DNAH11: variants seen among roughly 807,000 people sequenced by gnomAD.
The protein encoded by DNAH11 is dynein axonemal heavy chain 11.
Under a neutral mutation model 526.0 loss-of-function variants are expected in DNAH11, and 442 were observed. The observed-to-expected ratio is 0.84, with a 90% CI of 0.78 to 0.91. DNAH11 has a LOEUF of 0.91. DNAH11 is among the 40% of genes least tolerant of loss of function. The pLI, the probability that DNAH11 is intolerant of heterozygous loss-of-function variation, is 0.00. For missense variants in DNAH11, 6,989 were observed against 5,448.7 expected (o/e 1.28, Z -8.90); for synonymous variants, 2,461 against 1,935.9 (o/e 1.27, Z -7.12).
chr7:21,884,551 C>T (rs939689219), intron 76 of DNAH11, 141 bp downstream of exon 76: 20 of 928,432 alleles, frequency 2.2e-5, no homozygotes, highest in South Asian at 9.9e-5. Flanking sequence ...CTTAGAAAAG[C>T]GGAATCTCGG....
intron 44 of DNAH11, among the ~76,000 whole-genome samples, chr7:21,722,521 T>C (rs1192676041): frequency 6.6e-6 from 1 of 152,224 alleles, no homozygotes; most frequent in Non-Finnish European, 1.5e-5. Context: ...TGATATAATC[T>C]GTTGGCCAGT....
chr7:21,816,842 C>T (rs958285377), intron 64 of DNAH11, 140 bp downstream of exon 64: 8 of 695,854 alleles, frequency 1.1e-5, no homozygotes, highest in Admixed American at 5.6e-5. Flanking sequence ...TCTGCCTGTT[C>T]ATGTTTCATA....
chr7:21,700,506 C>G (rs1784011095), intron 36 of DNAH11, among the ~76,000 whole-genome samples: 1 of 152,166 alleles, frequency 6.6e-6, no homozygotes, highest in Non-Finnish European at 1.5e-5. Context: ...TCTTCTGCAT[C>G]CACTCCTTTT....
chr7:21,742,175 A>G lies in DNAH11; in HGVS notation c.8154+9A>G. 1 of 1,613,326 alleles carries G rather than the reference A, an allele frequency of 6.2e-7. No homozygotes were observed. On this transcript the variant is annotated intron_variant, in intron 49 of 81. Transcript: ENST00000409508. The stretch of plus-strand genomic sequence containing the variant: ...TATCAAACGTCTTCCAGGTACCTTG[A>G]CTGCTCTATGTTATGCCTCTTGAGT...
rs35121910 is a variant in DNAH11 at position 21,553,070 on chromosome 7, A to ATTTTTTTTT, written c.496-5716_496-5708dup. Among the ~76,000 whole-genome samples the ATTTTTTTTT allele has an allele frequency of 7.3e-4, 49 of 66,762 alleles. 2 individuals carry two copies. Among genetic ancestry groups the ATTTTTTTTT allele is most frequent in the African/African-American group, 3.3e-3 (45 of 13,710 alleles). 43.8% of individuals were successfully genotyped at this position (66,762 alleles called of 152,430 possible). On this transcript the variant is annotated intron_variant, in intron 2 of 81. Transcript: ENST00000409508. ...ATTTTCTCCCTTCAGTATAAATGGGATTTTTTTTTTTTTTTTTTTTTTTTG... is the reference window on the plus strand; with the variant it reads ...ATTTTCTCCCTTCAGTATAAATGGGATTTTTTTTTTTTTTTTTTTTTTTTTTTTTTTTTG...
At chr7:21,877,959 A>C (rs1158049113) in intron 74 of DNAH11, among the ~76,000 whole-genome samples, 1 of 151,890 alleles carries the variant, frequency 6.6e-6, no homozygotes, top group Non-Finnish European at 1.5e-5. Context: ...CACCCAGATA[A>C]CTATATTTTT....
chr7:21,693,019 A>C (rs1282548390), intron 35 of DNAH11, among the ~76,000 whole-genome samples: 1 of 152,164 alleles, frequency 6.6e-6, no homozygotes, highest in East Asian at 1.9e-4. Context: ...AGATACATAC[A>C]TTGCAAATAT....
intron 10 of DNAH11, 34 bp downstream of exon 10, chr7:21,588,235 T>A (rs942071038): frequency 1.3e-6 from 2 of 1,594,236 alleles, no homozygotes; most frequent in Non-Finnish European, 1.7e-6. Flanking sequence ...ACATTTACAA[T>A]ATCATTTAGG....
intron 43 of DNAH11, 69 bp from the exon 44 acceptor site, chr7:21,720,656 T>C: frequency 6.8e-7 from 1 of 1,470,688 alleles, no homozygotes; most frequent in Non-Finnish European, 9.1e-7. Context: ...AGTGGAGTTG[T>C]AAAAATATTC....
At chr7:21,677,986 ATTGT>A (rs1203688642) in intron 30 of DNAH11, among the ~76,000 whole-genome samples, 23 of 152,170 alleles carry the variant, frequency 1.5e-4, no homozygotes, top group Non-Finnish European at 1.8e-4. Context: ...TATCAGATAT[ATTGT>A]TTGTAAATAT....
intron 54 of DNAH11, among the ~76,000 whole-genome samples, chr7:21,751,649 C>T (rs1310913333): frequency 3.9e-5 from 6 of 152,100 alleles, no homozygotes; most frequent in Admixed American, 6.6e-5. Context: ...GGATAGGAGA[C>T]GGGTACTGGC....
chr7:21,574,968 A>G (rs1451180129), intron 8 of DNAH11, among the ~76,000 whole-genome samples: 1 of 129,334 alleles, frequency 7.7e-6, no homozygotes, highest in Admixed American at 9.2e-5. Flanking sequence ...TCTGCCTCCC[A>G]GGTTCAAGTG....
chr7:21,697,700 A>G lies in DNAH11; in HGVS notation c.6042-375A>G, dbSNP rs568405334. ...GAAATAAGCAAGTGCTATTTTCTAGACAGCCGGTTGTGAAAACATTAACCA... is the reference window on the plus strand; with the variant it reads ...GAAATAAGCAAGTGCTATTTTCTAGGCAGCCGGTTGTGAAAACATTAACCA... On this transcript the variant is annotated intron_variant, in intron 35 of 81. Coordinates refer to ENST00000409508, the MANE Select transcript of DNAH11 (RefSeq NM_001277115.2). Among the ~76,000 whole-genome samples, 4 of 152,326 alleles carry G rather than the reference A, an allele frequency of 2.6e-5. No individual in the cohort carries two copies. In the South Asian group the frequency reaches 6.2e-4, roughly 24 times the overall value.
intron 28 of DNAH11, among the ~76,000 whole-genome samples, chr7:21,652,243 A>G (rs1781808697): frequency 6.6e-6 from 1 of 152,238 alleles, no homozygotes; most frequent in Non-Finnish European, 1.5e-5. Flanking sequence ...GTACCAGAGG[A>G]AGTGATGCCA....
chr7:21,689,246 C>A (rs1783512320), intron 34 of DNAH11, among the ~76,000 whole-genome samples: 1 of 152,134 alleles, frequency 6.6e-6, no homozygotes, highest in African/African-American at 2.4e-5. Flanking sequence ...TTTGATGTAA[C>A]CCAGATGTCA....
At chr7:21,639,670 A>T (rs1350498304) in intron 28 of DNAH11, among the ~76,000 whole-genome samples, 2 of 152,238 alleles carry the variant, frequency 1.3e-5, no homozygotes, top group African/African-American at 2.4e-5. Flanking sequence ...ATCAGGGACA[A>T]ACTGTACAAA....
At chr7:21,676,597 T>G (rs999775350) in intron 30 of DNAH11, among the ~76,000 whole-genome samples, 3 of 152,192 alleles carry the variant, frequency 2.0e-5, no homozygotes, top group Non-Finnish European at 4.4e-5. Context: ...GTTGACAAGC[T>G]GTGTTTTTAA....
intron 22 of DNAH11, 156 bp downstream of exon 22, chr7:21,616,448 G>T: frequency 1.8e-6 from 1 of 545,320 alleles, no homozygotes; most frequent in East Asian, 3.0e-5. Context: ...TTAGCCAGTT[G>T]CACTTCTAAT....
At chr7:21,875,786 A>T (rs984516091) in intron 74 of DNAH11, among the ~76,000 whole-genome samples, 2 of 151,734 alleles carry the variant, frequency 1.3e-5, no homozygotes, top group Non-Finnish European at 2.9e-5. Context: ...GAACCTGTCA[A>T]TTCTTTTGAC....
Sources: allele counts gnomAD v4.1 joint callset (sites outside exome capture counted in the v4.1 genomes callset), GRCh38; gene constraint gnomAD v4.1.1; transcripts MANE v1.5; gene names NCBI Gene and HGNC (gene_info 2026-07-23, HGNC 2026-07-21).